The following DSCAM variants were observed in gnomAD, a reference collection of about 807,000 sequenced individuals.
DSCAM encodes cell adhesion molecule DSCAM.
In DSCAM, 47 loss-of-function variants were observed where a neutral mutation model predicts 217.7. The observed-to-expected ratio is 0.22, with a 90% confidence interval of 0.17 to 0.28. The LOEUF (loss-of-function observed/expected upper bound fraction) is 0.28, where lower values mean the gene tolerates loss of function less well. Ranked by LOEUF, DSCAM falls within the 10% of genes least tolerant of loss-of-function variation. DSCAM has a pLI of 1.00. For missense variants in DSCAM, 2,080 were observed against 2,618.3 expected, an observed-to-expected ratio of 0.79 and a Z score of 4.49; for synonymous variants, 1,056 against 1,015.3, an observed-to-expected ratio of 1.04 and a Z score of -0.76.
intron 20 of DSCAM, among the ~76,000 whole-genome samples, chr21:40,108,009 C>G (rs374759739): frequency 6.6e-6 from 1 of 152,124 alleles, no homozygotes; most frequent in Non-Finnish European, 1.5e-5. Flanking sequence ...AAGGAACACA[C>G]CTCAAAGTAT....
At chr21:40,112,274 G>A (rs186954634) in intron 20 of DSCAM, among the ~76,000 whole-genome samples, 12 of 148,572 alleles carry the variant, frequency 8.1e-5, no homozygotes, top group Admixed American at 2.0e-4. Context: ...ACTCAAAATC[G>A]CTTAACTACA....
At position 40,392,144 on chromosome 21, in the gene DSCAM, C is replaced by T. The variant is rs189656832; in HGVS notation, c.509-22899G>A. 2.4e-3 allele frequency among the ~76,000 whole-genome samples: 370 copies of T among 152,288 alleles called. 3 individuals carry two copies. Among genetic ancestry groups the T allele is most frequent in the African/African-American group, 8.3e-3 (344 of 41,548 alleles). On this transcript the variant is annotated intron_variant, in intron 3 of 32. Coordinates refer to ENST00000400454, the MANE Select transcript of DSCAM (RefSeq NM_001389.5). ...CAACACACATCTTAAATCTCATATT[C>T]AAATATTGGGTAAATGAGAGGAATT...
chr21:40,415,856 C>T (rs1033016611), intron 3 of DSCAM, among the ~76,000 whole-genome samples: 6 of 152,092 alleles, frequency 3.9e-5, no homozygotes, highest in Non-Finnish European at 7.4e-5. Flanking sequence ...ACTCTCAGGA[C>T]GGCACCATCA....
At chr21:40,322,948 A>G (rs1382104928) in intron 8 of DSCAM, among the ~76,000 whole-genome samples, 1 of 152,192 alleles carries the variant, frequency 6.6e-6, no homozygotes, top group Non-Finnish European at 1.5e-5. Context: ...AAGAAAGGAC[A>G]TGTTACCACC....
chr21:40,679,032 T>C (rs2837780), intron 3 of DSCAM, among the ~76,000 whole-genome samples: 38,761 of 152,176 alleles, frequency 0.25, 6,040 homozygotes, highest in Admixed American at 0.43. Context: ...GAAATGTCGA[T>C]TTCCCTCAGA....
chr21:40,173,701 C>T (rs2090684615), intron 15 of DSCAM, among the ~76,000 whole-genome samples: 1 of 152,150 alleles, frequency 6.6e-6, no homozygotes, highest in Admixed American at 6.5e-5. Flanking sequence ...TCCCCTCCAC[C>T]CCAGCTCAGC....
intron 1 of DSCAM, among the ~76,000 whole-genome samples, chr21:40,717,216 G>T (rs538404434): frequency 7.9e-5 from 12 of 152,302 alleles, no homozygotes; most frequent in African/African-American, 2.6e-4. Flanking sequence ...AAGACCAGCA[G>T]ACACACTAAT....
In DSCAM at chr21:40,142,521, T is replaced by A. The variant is rs762286045; in HGVS notation, c.3406+37A>T. On this transcript the variant is annotated intron_variant, in intron 18 of 32. Transcript: ENST00000400454. Reference sequence around the variant, plus strand: ...TCTGCAAATTCCATCATGCATTCTCTGGAGGCAAACCCAAAGTCCTAGTTT... The same window carrying A: ...TCTGCAAATTCCATCATGCATTCTCAGGAGGCAAACCCAAAGTCCTAGTTT... The A allele has an allele frequency of 1.9e-6, 3 of 1,610,830 alleles. No homozygotes were observed. In the East Asian group the frequency reaches 6.7e-5, roughly 36 times the overall value.
rs1302743093 is a variant in DSCAM at position 40,087,303 on chromosome 21, A to T, written c.3851-16T>A. 1.3e-6 allele frequency: 2 copies of T among 1,594,124 alleles called. No individual in the cohort carries two copies. Among genetic ancestry groups the T allele is most frequent in the East Asian group, 4.5e-5 (2 of 44,766 alleles). On this transcript the variant is annotated splice_polypyrimidine_tract_variant and intron_variant, in intron 21 of 32. Transcript: ENST00000400454. The stretch of plus-strand genomic sequence containing the variant: ...CGTGCAGGAGCTGAGGAACCAAACA[A>T]AGTGGAATCCTGATTACTCCACAGA...
Position 40,367,801 on chromosome 21 carries a change from G to A in DSCAM, c.655+1298C>T, listed in dbSNP as rs565325027. 6.6e-5 allele frequency among the ~76,000 whole-genome samples: 10 copies of A among 152,260 alleles called. No individual in the cohort carries two copies. In the South Asian group the frequency reaches 1.5e-3, roughly 22 times the overall value. On this transcript the variant is annotated intron_variant, in intron 4 of 32. Coordinates refer to ENST00000400454, the MANE Select transcript of DSCAM (RefSeq NM_001389.5). ...CTTTTCGGCAGGTGGCTTAGTGTAT[G>A]ATATTCCCTGGCTGGATTATACATT...
intron 3 of DSCAM, among the ~76,000 whole-genome samples, chr21:40,506,112 CT>C (rs1317989127): frequency 2.0e-5 from 3 of 152,212 alleles, no homozygotes; most frequent in African/African-American, 7.2e-5. Flanking sequence ...TACTAACGCA[CT>C]TCATGCTTGC....
rs1186182008 is a variant in DSCAM, at chr21:40,133,876, G to A, written c.3540C>T (p.Ile1180=). Residue 1180 remains isoleucine, a synonymous_variant, in exon 19 of 33, where the codon ATC becomes ATT. Transcript: ENST00000400454. ...RAGDGVRSEQ[I]FTRTKEDVPG... The stretch of plus-strand genomic sequence containing the variant: ...CACCATCCTCTTTGGTCCGGGTGAA[G>A]ATCTGCTCACTCCTGACCCCGTCTC... The A allele has an allele frequency of 1.2e-6, 2 of 1,610,944 alleles. No individual in the cohort carries two copies. Among genetic ancestry groups the A allele is most frequent in the South Asian group, 1.1e-5 (1 of 90,604 alleles).
At chr21:40,138,982 T>A (rs1034477639) in intron 18 of DSCAM, among the ~76,000 whole-genome samples, 12 of 137,732 alleles carry the variant, frequency 8.7e-5, no homozygotes, top group African/African-American at 3.3e-4. Flanking sequence ...ATGTGAGATG[T>A]GCCTGGGGTT....
chr21:40,097,954 A>AAAAGAAAGAAAGAAAGAAAG lies in DSCAM; in HGVS notation c.3697-4100_3697-4081dup, dbSNP rs61675667. On this transcript the variant is annotated intron_variant, in intron 20 of 32. Transcript: ENST00000400454. ...AGACTCTGTCTCAAAAAAAAAAAAA[A>AAAAGAAAGAAAGAAAGAAAG]AAAGAAAGAAAGAAAGAAAGAAAGA... Among the ~76,000 whole-genome samples the AAAAGAAAGAAAGAAAGAAAG allele has an allele frequency of 9.9e-4, 51 of 51,506 alleles. 1 individual carries two copies. Among genetic ancestry groups the AAAAGAAAGAAAGAAAGAAAG allele is most frequent in the Non-Finnish European group, 1.5e-3 (43 of 28,110 alleles). 33.8% of individuals were successfully genotyped at this position (51,506 alleles called of 152,430 possible). A position where few individuals can be genotyped will look rare whatever the true frequency, so the allele number is the denominator to read the frequency against.
chr21:40,214,302 T>A (rs1414568085), intron 11 of DSCAM, among the ~76,000 whole-genome samples: 1 of 152,240 alleles, frequency 6.6e-6, no homozygotes, highest in African/African-American at 2.4e-5. Context: ...CAGTCATAGT[T>A]AGCTGAGACT....
intron 3 of DSCAM, among the ~76,000 whole-genome samples, chr21:40,511,697 A>C (rs1276374419): frequency 6.6e-6 from 1 of 152,042 alleles, no homozygotes. Flanking sequence ...ACCAACCTAC[A>C]AAAAGTATTC....
At chr21:40,683,277 G>T (rs1601847254) in intron 3 of DSCAM, among the ~76,000 whole-genome samples, 2 of 152,170 alleles carry the variant, frequency 1.3e-5, no homozygotes, top group South Asian at 2.1e-4. Flanking sequence ...AGACAGCCTT[G>T]GGATTTAACA....
intron 3 of DSCAM, among the ~76,000 whole-genome samples, chr21:40,593,102 G>A (rs2076995606): frequency 6.6e-6 from 1 of 152,148 alleles, no homozygotes; most frequent in Non-Finnish European, 1.5e-5. Context: ...TTAGAAACCT[G>A]TTAACTTAAA....
At chr21:40,506,643 G>A (rs767311647) in intron 3 of DSCAM, among the ~76,000 whole-genome samples, 1 of 152,206 alleles carries the variant, frequency 6.6e-6, no homozygotes, top group African/African-American at 2.4e-5. Flanking sequence ...CTGTGATGAG[G>A]ACTATGTGTC....
Sources: gnomAD v4.1 joint callset for allele counts (sites outside exome capture counted in the v4.1 genomes callset) on GRCh38, gnomAD v4.1.1 for gene constraint, MANE v1.5 for transcripts, NCBI Gene and HGNC (gene_info 2026-07-23, HGNC 2026-07-21) for gene names.